Variants in NXPH1 observed in about 807,000 individuals in gnomAD.
NXPH1 encodes neurexophilin 1, also known as neurexophilin-1.
Under a neutral mutation model 23.7 loss-of-function variants are expected in NXPH1, and 5 were observed. That is an observed-to-expected ratio of 0.21 (90% CI 0.11 to 0.44). NXPH1 has a LOEUF of 0.44. NXPH1 is among the 20% of genes least tolerant of loss of function. The pLI is 0.99. For missense variants in NXPH1, 324 were observed against 321.6 expected (o/e 1.01, Z -0.06); for synonymous variants, 144 against 122.2 (o/e 1.18, Z -1.18).
At chr7:8,489,998 C>A (rs192417570) in intron 2 of NXPH1, among the ~76,000 whole-genome samples, 2 of 152,018 alleles carry the variant, frequency 1.3e-5, no homozygotes, top group African/African-American at 4.8e-5. Flanking sequence ...TCAAGTTCTG[C>A]GGTATCTTCA....
intron 2 of NXPH1, among the ~76,000 whole-genome samples, chr7:8,457,743 C>T (rs754257185): frequency 2.0e-5 from 3 of 152,132 alleles, no homozygotes; most frequent in Non-Finnish European, 4.4e-5. Flanking sequence ...TCCCTTGCTT[C>T]TCAGCCTTCT....
intron 2 of NXPH1, among the ~76,000 whole-genome samples, chr7:8,489,156 A>G (rs1817208259): frequency 6.6e-6 from 1 of 152,042 alleles, no homozygotes; most frequent in Non-Finnish European, 1.5e-5. Context: ...CGGGAGGGTA[A>G]AATAACAGCA....
chr7:8,526,195 G>A (rs1056437484), intron 2 of NXPH1, among the ~76,000 whole-genome samples: 1 of 152,202 alleles, frequency 6.6e-6, no homozygotes, highest in Non-Finnish European at 1.5e-5. Flanking sequence ...TCATTTTGGA[G>A]CTTTAAAAGT....
chr7:8,674,967 C>T (rs536810577), intron 2 of NXPH1, among the ~76,000 whole-genome samples: 2 of 152,236 alleles, frequency 1.3e-5, no homozygotes, highest in East Asian at 3.9e-4. Context: ...TATAATTGTT[C>T]TAAGCCAACT....
intron 2 of NXPH1, among the ~76,000 whole-genome samples, chr7:8,628,807 T>C (rs954827506): frequency 3.3e-5 from 5 of 151,818 alleles, no homozygotes; most frequent in Admixed American, 1.3e-4. Context: ...ATTTGACGCG[T>C]ATGTTTGAAC....
chr7:8,726,463 C>T (rs1365179019), intron 2 of NXPH1, among the ~76,000 whole-genome samples: 2 of 149,634 alleles, frequency 1.3e-5, no homozygotes, highest in East Asian at 4.0e-4. Flanking sequence ...TTAGGTATAT[C>T]TCCCAATGCC....
intron 2 of NXPH1, among the ~76,000 whole-genome samples, chr7:8,624,797 GT>G (rs1219819524): frequency 2.0e-5 from 3 of 152,164 alleles, no homozygotes; most frequent in African/African-American, 7.2e-5. Context: ...TGTTGCAATG[GT>G]TCATTGTGGA....
intron 2 of NXPH1, among the ~76,000 whole-genome samples, chr7:8,745,809 C>T (rs1011881668): frequency 6.1e-5 from 9 of 148,232 alleles, no homozygotes; most frequent in African/African-American, 2.2e-4. Context: ...CCTCTTTATC[C>T]TCCTGCCTTG....
intron 2 of NXPH1, among the ~76,000 whole-genome samples, chr7:8,516,477 A>G (rs1817689967): frequency 6.6e-6 from 1 of 152,168 alleles, no homozygotes. Context: ...CTGATTAGGA[A>G]TTAAATTGTT....
At chr7:8,658,237 ACTCT>A (rs1820612698) in intron 2 of NXPH1, among the ~76,000 whole-genome samples, 4 of 152,034 alleles carry the variant, frequency 2.6e-5, no homozygotes, top group African/African-American at 7.2e-5. Flanking sequence ...ATATTAATAC[ACTCT>A]CTCAGTGCCT....
chr7:8,552,125 A>C (rs78228585), intron 2 of NXPH1, among the ~76,000 whole-genome samples: 88 of 148,318 alleles, frequency 5.9e-4, no homozygotes, highest in African/African-American at 1.7e-3. Context: ...AAAAAAAAAA[A>C]AAAAAAAAAA....
chr7:8,659,447 C>A (rs1455736712), intron 2 of NXPH1, among the ~76,000 whole-genome samples: 3 of 152,032 alleles, frequency 2.0e-5, no homozygotes, highest in Non-Finnish European at 1.5e-5. Flanking sequence ...CTCAACTCGT[C>A]TGGAAACCGT....
intron 2 of NXPH1, among the ~76,000 whole-genome samples, chr7:8,667,933 A>G (rs1186471020): frequency 2.6e-5 from 4 of 151,868 alleles, no homozygotes; most frequent in Non-Finnish European, 5.9e-5. Context: ...TTTCGAGTTC[A>G]CAGATTCTTT....
chr7:8,475,068 G>C (rs6946463), intron 2 of NXPH1, among the ~76,000 whole-genome samples: 56,791 of 151,986 alleles, frequency 0.37, 11,093 homozygotes, highest in East Asian at 0.62. Context: ...ACTCTGACTG[G>C]GGGGTGGGAA....
At chr7:8,629,340 T>C (rs1820072321) in intron 2 of NXPH1, among the ~76,000 whole-genome samples, 1 of 152,118 alleles carries the variant, frequency 6.6e-6, no homozygotes, top group Non-Finnish European at 1.5e-5. Flanking sequence ...AGTTTAGCTG[T>C]GAAAAAGTTT....
intron 2 of NXPH1, among the ~76,000 whole-genome samples, chr7:8,507,701 A>G (rs1166105329): frequency 2.0e-5 from 3 of 152,144 alleles, no homozygotes; most frequent in Non-Finnish European, 2.9e-5. Flanking sequence ...TACATTAGAA[A>G]GATAACAGCA....
At chr7:8,700,597 A>G (rs1399720608) in intron 2 of NXPH1, among the ~76,000 whole-genome samples, 2 of 152,186 alleles carry the variant, frequency 1.3e-5, no homozygotes, top group Admixed American at 6.5e-5. Flanking sequence ...TAAAAGCAGC[A>G]TTAGAGTACA....
chr7:8,690,210 C>T (rs1403799402), intron 2 of NXPH1: 2 of 152,176 alleles, frequency 1.3e-5, no homozygotes, highest in African/African-American at 2.4e-5. Flanking sequence ...TTAGGTTATT[C>T]GTTAAACTTA....
intron 2 of NXPH1, among the ~76,000 whole-genome samples, chr7:8,481,285 CAT>C (rs367877705): frequency 8.5e-5 from 13 of 152,258 alleles, no homozygotes; most frequent in African/African-American, 2.6e-4. Flanking sequence ...AAATTATTCA[CAT>C]GAGGCCATAG....
Sources: allele counts gnomAD v4.1 joint callset (sites outside exome capture counted in the v4.1 genomes callset), GRCh38; gene constraint gnomAD v4.1.1; transcripts MANE v1.5; gene names NCBI Gene and HGNC (gene_info 2026-07-23, HGNC 2026-07-21).